FURIN: variants seen among roughly 807,000 people sequenced by gnomAD.
FURIN encodes furin, paired basic amino acid cleaving enzyme, also known as FES upstream region.
Under a neutral mutation model 89.2 loss-of-function variants are expected in FURIN, and 18 were observed. That is an observed-to-expected ratio of 0.20 (90% confidence interval 0.14 to 0.30). FURIN has a LOEUF of 0.30. Ranked by LOEUF, FURIN falls within the 10% of genes least tolerant of loss-of-function variation. The pLI is 1.00. For synonymous variants in FURIN, 508 were observed against 466.4 expected, an observed-to-expected ratio of 1.09 and a Z score of -1.15; for missense variants, 879 against 1,100.5, an observed-to-expected ratio of 0.80 and a Z score of 2.85.
At chr15:90,877,349 G>C in intron 6 of FURIN, 138 bp downstream of exon 6, 1 of 933,172 alleles carries the variant, frequency 1.1e-6, no homozygotes, top group East Asian at 2.6e-5. Flanking sequence ...GGGCTCTGAG[G>C]GAGGGCTCGG....
intron 6 of FURIN, 144 bp from the exon 7 acceptor site, chr15:90,877,379 AGGCC>A (rs749302555): frequency 3.5e-6 from 3 of 864,436 alleles, no homozygotes; most frequent in Non-Finnish European, 5.3e-6. Context: ...AGATGGCCAC[AGGCC>A]CAGTGGAGTG....
chr15:90,876,599 C>A lies in FURIN; in HGVS notation c.372+42C>A. ...GCTGCTGGGACCTCCTCCCCAGATG[C>A]ACCATCCACCCACTATGAGCTCTTG... On this transcript the variant is annotated intron_variant, in intron 4 of 15. Transcript: ENST00000268171. This position sits in a 1 kb window ranked among gnomAD's most constrained non-coding sequence, Gnocchi z 5.0. The A allele has an allele frequency of 1.6e-6, 2 of 1,254,028 alleles. No individual in the cohort carries two copies. The highest frequency in any genetic ancestry group is 2.3e-5 in the East Asian group (1 of 42,716). The allele number at this position is 1,254,028 out of a possible 1,614,324, so 77.7% of individuals were successfully genotyped here.
chr15:90,875,824 G>A lies in FURIN; in HGVS notation c.84G>A (p.Lys28=). The change falls in exon 2 of 16, where the codon AAG becomes AAA. Residue 28 remains lysine (K), a synonymous_variant. Transcript: ENST00000268171. ...VLLAADAQGQ[K]VFTNTWAVRI... The stretch of plus-strand genomic sequence containing the variant: ...TAGCAGCTGATGCTCAGGGCCAGAA[G>A]GTCTTCACCAACACGTGGGCTGTGC... 6.4e-7 allele frequency: 1 copy of A among 1,569,938 alleles called. No individual in the cohort carries two copies. The highest frequency in any genetic ancestry group is 8.6e-7 in the Non-Finnish European group (1 of 1,157,120).
In FURIN at chr15:90,883,345, A is replaced by T. The variant is rs2032137410; in HGVS notation, c.*1467A>T. ...TTTGTAAGATGCTGGGTTGGTGCACAGTGATTTTTTTCTTGTAATTTAAAC... is the reference window on the plus strand; with the variant it reads ...TTTGTAAGATGCTGGGTTGGTGCACTGTGATTTTTTTCTTGTAATTTAAAC... On this transcript the variant is annotated 3_prime_UTR_variant, in exon 16 of 16. Transcript: ENST00000268171. The T allele has an allele frequency of 6.5e-6, 1 of 152,990 alleles. No homozygotes were observed. The highest frequency in any genetic ancestry group is 6.5e-5 in the Admixed American group (1 of 15,292). The allele number at this position is 152,990 out of a possible 1,614,324, so 9.5% of individuals were successfully genotyped here. A position where few individuals can be genotyped will look rare whatever the true frequency, so the allele number is the denominator to read the frequency against.
intron 1 of FURIN, chr15:90,871,693 G>T (rs1365956713): frequency 6.7e-6 from 1 of 149,022 alleles, no homozygotes; most frequent in South Asian, 2.1e-4. Context: ...GGGCCGGGCC[G>T]TGGAGCTCTG....
rs776855124 is a variant in FURIN at position 90,880,277 on chromosome 15, C to T, written c.1556+4C>T. The stretch of plus-strand genomic sequence containing the variant: ...GCTCCACCCTGCTGGCAGCCAGGTG[C>T]TTGCTCTGTCCCTGCCCGCCCTGCC... On this transcript the variant is annotated splice_donor_region_variant and intron_variant, in intron 13 of 15. Coordinates refer to ENST00000268171, the MANE Select transcript of FURIN (RefSeq NM_002569.4). 22 of 1,597,658 alleles carry T rather than the reference C, an allele frequency of 1.4e-5. No homozygotes were observed. Among genetic ancestry groups the T allele is most frequent in the Middle Eastern group, 1.9e-4 (1 of 5,394 alleles).
At position 90,876,296 on chromosome 15, in the gene FURIN, G is replaced by T; in HGVS notation, c.219G>T (p.Thr73=). The change falls in exon 3 of 16, where the codon ACG becomes ACT. Residue 73 remains threonine (T), a synonymous_variant. Transcript: ENST00000268171. The surrounding 1 kb of genome is among the most constrained non-coding windows in gnomAD (Gnocchi z 5.0). Reference sequence around the variant, plus strand: ...ACCACTTCTGGCATCGAGGAGTGACGAAGCGGTCCCTGTCGCCTCACCGCC... The same window carrying T: ...ACCACTTCTGGCATCGAGGAGTGACTAAGCGGTCCCTGTCGCCTCACCGCC... ...DYYHFWHRGV[T]KRSLSPHRPR... The T allele has an allele frequency of 1.2e-6, 2 of 1,612,800 alleles. No individual in the cohort carries two copies. The highest frequency in any genetic ancestry group is 1.7e-6 in the Non-Finnish European group (2 of 1,179,084).
At chr15:90,880,880 T>C in intron 14 of FURIN, 50 bp from the exon 15 acceptor site, 1 of 1,609,730 alleles carries the variant, frequency 6.2e-7, no homozygotes, top group Non-Finnish European at 8.5e-7. Context: ...GAGCACTGGG[T>C]GTGGTGCCAG....
At chr15:90,877,665 A>G (rs1448269634) in intron 7 of FURIN, 50 bp downstream of exon 7, 7 of 1,313,254 alleles carry the variant, frequency 5.3e-6, no homozygotes, top group African/African-American at 1.5e-5. Flanking sequence ...CTTCAGTGGA[A>G]TTTTTCCCGC....
At chr15:90,874,846 C>T (rs1404868228) in intron 1 of FURIN, among the ~76,000 whole-genome samples, 1 of 152,012 alleles carries the variant, frequency 6.6e-6, no homozygotes, top group Non-Finnish European at 1.5e-5. Context: ...TTCCAGATTT[C>T]GCTTTAGTTT....
chr15:90,871,742 G>A (rs1394848667), intron 1 of FURIN: 4 of 149,088 alleles, frequency 2.7e-5, no homozygotes, highest in Non-Finnish European at 6.0e-5. Context: ...GCTCGGGCCG[G>A]GGAGGGTCGG....
intron 14 of FURIN, 23 bp downstream of exon 14, chr15:90,880,838 A>G (rs1216910995): frequency 6.2e-7 from 1 of 1,611,424 alleles, no homozygotes; most frequent in South Asian, 1.1e-5. Context: ...CTTGAGGGGT[A>G]GGGGTACGAG....
At chr15:90,877,318 C>T (rs112234835) in intron 6 of FURIN, 107 bp downstream of exon 6, 4 of 1,072,762 alleles carry the variant, frequency 3.7e-6, no homozygotes, top group African/African-American at 1.6e-5. Flanking sequence ...TGAGGCTTTT[C>T]CCACAGTCCT....
chr15:90,878,437 G>T, intron 8 of FURIN, 133 bp downstream of exon 8: 2 of 824,628 alleles, frequency 2.4e-6, no homozygotes, highest in Non-Finnish European at 3.7e-6. Flanking sequence ...AAACATTAAG[G>T]GACAGAAGAA....
chr15:90,869,630 G>A (rs1470524274), intron 1 of FURIN, among the ~76,000 whole-genome samples: 1 of 116,224 alleles, frequency 8.6e-6, no homozygotes, highest in Non-Finnish European at 1.8e-5. Context: ...AGATTGAAGA[G>A]GCAAGCTGGC....
At position 90,882,657 on chromosome 15, in the gene FURIN, G is replaced by C. The variant is rs776200253; in HGVS notation, c.*779G>C. On this transcript the variant is annotated 3_prime_UTR_variant, in exon 16 of 16. Coordinates refer to ENST00000268171, the MANE Select transcript of FURIN (RefSeq NM_002569.4). ...TCACAGACCTGGAGCCCCTGGGTGG[G>C]TGGTGGGGAGGGGCGCTGGCCCAGC... 1 of 152,748 alleles carries C rather than the reference G, an allele frequency of 6.5e-6. No individual in the cohort carries two copies. The highest frequency in any genetic ancestry group is 1.5e-5 in the Non-Finnish European group (1 of 68,116). 9.5% of individuals were successfully genotyped at this position (152,748 alleles called of 1,614,324 possible).
chr15:90,877,376 C>G (rs896800087), intron 6 of FURIN, 151 bp from the exon 7 acceptor site: 12 of 866,730 alleles, frequency 1.4e-5, no homozygotes, highest in Non-Finnish European at 1.9e-5. Context: ...TGGAGATGGC[C>G]ACAGGCCCAG....
In FURIN at chr15:90,876,417, C is replaced by A; in HGVS notation, c.277-45C>A. The A allele has an allele frequency of 6.5e-7, 1 of 1,531,900 alleles. No individual in the cohort carries two copies. The highest frequency in any genetic ancestry group is 9.0e-7 in the Non-Finnish European group (1 of 1,105,074). The allele number at this position is 1,531,900 out of a possible 1,614,324, so 94.9% of individuals were successfully genotyped here. A position where few individuals can be genotyped will look rare whatever the true frequency, so the allele number is the denominator to read the frequency against. On this transcript the variant is annotated intron_variant, in intron 3 of 15. Coordinates refer to ENST00000268171, the MANE Select transcript of FURIN (RefSeq NM_002569.4). The surrounding 1 kb of genome is among the most constrained non-coding windows in gnomAD (Gnocchi z 5.0). ...CCCTCCTGCTCTCAGGAGCCCCTCTCGCCTCCTGCTCCACCCACACCATCT... is the reference window on the plus strand; with the variant it reads ...CCCTCCTGCTCTCAGGAGCCCCTCTAGCCTCCTGCTCCACCCACACCATCT...
chr15:90,876,118 G>A lies in FURIN; in HGVS notation c.178-137G>A. The A allele has an allele frequency of 1.3e-6, 1 of 780,754 alleles. No individual in the cohort carries two copies. The highest frequency in any genetic ancestry group is 2.0e-5 in the Admixed American group (1 of 50,792). 48.4% of individuals were successfully genotyped at this position (780,754 alleles called of 1,614,324 possible). A position where few individuals can be genotyped will look rare whatever the true frequency, so the allele number is the denominator to read the frequency against. ...GTCCTCATGGTCCCCGCATTTTGCT[G>A]GGTCCCGGACAGGGAGCAGATGCCC... is the stretch of plus-strand genomic sequence containing the variant. On this transcript the variant is annotated intron_variant, in intron 2 of 15. Coordinates refer to ENST00000268171, the MANE Select transcript of FURIN (RefSeq NM_002569.4). This position sits in a 1 kb window ranked among gnomAD's most constrained non-coding sequence, Gnocchi z 5.0.
Sources: gnomAD v4.1 joint callset for allele counts (sites outside exome capture counted in the v4.1 genomes callset) on GRCh38, gnomAD v4.1.1 for gene constraint, Gnocchi (gnomAD v3.1) non-coding constraint, MANE v1.5 for transcripts, NCBI Gene and HGNC (gene_info 2026-07-23, HGNC 2026-07-21) for gene names.